MYRIP: variants seen among roughly 807,000 people sequenced by gnomAD.
MYRIP encodes rab effector MyRIP.
MYRIP carries 49 observed loss-of-function variants against 98.0 expected under a neutral mutation model. The ratio of observed to expected loss-of-function variants is 0.50; its 90% CI spans 0.40 to 0.63. The LOEUF is 0.63. Ranked by LOEUF, MYRIP falls within the 30% of genes least tolerant of loss-of-function variation. MYRIP has a pLI of 0.00. For synonymous variants in MYRIP, 404 were observed against 409.5 expected, an observed-to-expected ratio of 0.99 and a Z score of 0.16; for missense variants, 1,004 against 1,058.2, an observed-to-expected ratio of 0.95 and a Z score of 0.71.
intron 1 of MYRIP, among the ~76,000 whole-genome samples, chr3:39,835,433 A>G (rs1227234683): frequency 6.6e-6 from 1 of 152,162 alleles, no homozygotes; most frequent in Non-Finnish European, 1.5e-5. Flanking sequence ...TTTATCCCTC[A>G]ATCTTGGCAA....
intron 11 of MYRIP, among the ~76,000 whole-genome samples, chr3:40,211,637 T>A (rs1300584168): frequency 2.0e-5 from 3 of 152,212 alleles, no homozygotes; most frequent in Non-Finnish European, 4.4e-5. Context: ...ATTTGTACGC[T>A]GGAGCTTAGA....
intron 10 of MYRIP, 67 bp from the exon 11 acceptor site, chr3:40,209,787 T>G: frequency 1.3e-6 from 2 of 1,593,116 alleles, no homozygotes; most frequent in Non-Finnish European, 1.7e-6. Flanking sequence ...TCAGGGGTTA[T>G]TGGGAACAAG....
At position 40,037,807 on chromosome 3, in the gene MYRIP, C is replaced by G. The variant is rs955658555; in HGVS notation, c.111-6243C>G. On this transcript the variant is annotated intron_variant, in intron 2 of 16. Coordinates refer to ENST00000302541, the MANE Select transcript of MYRIP (RefSeq NM_015460.4). ...TAACCATTTACATCATTGCCTACCC[C>G]CCTTCCTGTTTTCTCTCTGGCTCAC... Among the ~76,000 whole-genome samples the G allele has an allele frequency of 7.2e-5, 11 of 152,164 alleles. No individual in the cohort carries two copies. The East Asian group carries it at 1.5e-3, about 21-fold the overall frequency.
rs576933654 is a variant in MYRIP, at chr3:39,860,264, A to G, written c.-30-40523A>G. Among the ~76,000 whole-genome samples the G allele has an allele frequency of 1.2e-3, 180 of 152,344 alleles. 2 individuals are homozygous for G. In the South Asian group the frequency reaches 0.036, roughly 30 times the overall value. ...TGCCACAGACCTCTGGAATCCTGGCAGCAGAAGACCCCAAAACCCCCATGA... is the reference window on the plus strand; with the variant it reads ...TGCCACAGACCTCTGGAATCCTGGCGGCAGAAGACCCCAAAACCCCCATGA... On this transcript the variant is annotated intron_variant, in intron 1 of 16. Transcript: ENST00000302541.
At chr3:40,182,428 G>A in intron 9 of MYRIP, 55 bp downstream of exon 9, 1 of 1,564,256 alleles carries the variant, frequency 6.4e-7, no homozygotes, top group Non-Finnish European at 8.7e-7. Flanking sequence ...GTGTGGTTTG[G>A]AGACATCTTG....
chr3:39,961,502 T>C (rs907707910), intron 2 of MYRIP, among the ~76,000 whole-genome samples: 3 of 152,046 alleles, frequency 2.0e-5, no homozygotes, highest in African/African-American at 7.2e-5. Context: ...CGAGTCCCAT[T>C]TTCCTTTCAT....
intron 2 of MYRIP, among the ~76,000 whole-genome samples, chr3:39,914,806 A>C (rs1005258904): frequency 2.3e-4 from 35 of 152,068 alleles, no homozygotes; most frequent in Non-Finnish European, 3.7e-4. Flanking sequence ...AGTTGAGAAA[A>C]ATGGTATTTC....
chr3:40,060,148 T>TA (rs912973864), intron 3 of MYRIP, among the ~76,000 whole-genome samples: 30 of 150,046 alleles, frequency 2.0e-4, no homozygotes, highest in South Asian at 8.4e-4. Flanking sequence ...TGAGTCTTTT[T>TA]AAAAAAAAAA....
At chr3:40,144,484 G>A (rs1575573405) in intron 3 of MYRIP, among the ~76,000 whole-genome samples, 1 of 152,114 alleles carries the variant, frequency 6.6e-6, no homozygotes, top group South Asian at 2.1e-4. Flanking sequence ...AAGAATGAGG[G>A]GCACAGTAAC....
intron 2 of MYRIP, among the ~76,000 whole-genome samples, chr3:39,932,999 T>C (rs985250256): frequency 3.3e-5 from 5 of 152,212 alleles, no homozygotes; most frequent in Non-Finnish European, 7.3e-5. Context: ...ACAGAATACA[T>C]AGCATTTCTA....
At chr3:40,100,316 T>C (rs1948920830) in intron 3 of MYRIP, 7 of 930,370 alleles carry the variant, frequency 7.5e-6, no homozygotes, top group Non-Finnish European at 7.7e-6. Flanking sequence ...ATTGATTATG[T>C]ACTATAATCC....
intron 2 of MYRIP, among the ~76,000 whole-genome samples, chr3:40,031,974 G>A (rs931518844): frequency 5.3e-5 from 8 of 151,904 alleles, no homozygotes; most frequent in African/African-American, 1.7e-4. Flanking sequence ...AGGGTTTTTT[G>A]TGTCTCTATT....
At chr3:40,076,317 A>G (rs1948342382) in intron 3 of MYRIP, among the ~76,000 whole-genome samples, 1 of 152,224 alleles carries the variant, frequency 6.6e-6, no homozygotes, top group South Asian at 2.1e-4. Context: ...GCCAGTATGT[A>G]TATGTTCCAT....
intron 1 of MYRIP, among the ~76,000 whole-genome samples, chr3:39,813,328 G>A (rs1940765341): frequency 6.6e-6 from 1 of 152,174 alleles, no homozygotes; most frequent in Admixed American, 6.5e-5. Flanking sequence ...GACCCAGCTG[G>A]TGCCCTTCTC....
At chr3:39,936,887 G>A (rs1944666346) in intron 2 of MYRIP, among the ~76,000 whole-genome samples, 1 of 151,950 alleles carries the variant, frequency 6.6e-6, no homozygotes, top group African/African-American at 2.4e-5. Flanking sequence ...CTGTCTTTGT[G>A]GTCTGGCTTA....
chr3:40,096,335 G>A (rs1300038007), intron 3 of MYRIP, among the ~76,000 whole-genome samples: 1 of 152,074 alleles, frequency 6.6e-6, no homozygotes, highest in East Asian at 1.9e-4. Flanking sequence ...GACCTGTAGG[G>A]CAGTATTTTC....
intron 1 of MYRIP, among the ~76,000 whole-genome samples, chr3:39,846,527 C>T (rs1471570711): frequency 6.6e-6 from 1 of 152,168 alleles, no homozygotes; most frequent in Non-Finnish European, 1.5e-5. Context: ...CCAACTACCA[C>T]TGGGCCTGCA....
At chr3:40,232,003 G>C (rs62261852) in intron 11 of MYRIP, among the ~76,000 whole-genome samples, 1 of 152,150 alleles carries the variant, frequency 6.6e-6, no homozygotes, top group Non-Finnish European at 1.5e-5. Flanking sequence ...GCCACATCAA[G>C]CTACAAGGTC....
At chr3:40,217,888 T>C (rs1952171887) in intron 11 of MYRIP, among the ~76,000 whole-genome samples, 1 of 152,138 alleles carries the variant, frequency 6.6e-6, no homozygotes, top group Admixed American at 6.6e-5. Context: ...CAATATTAGA[T>C]AGCAGAAAAC....
Sources: allele counts gnomAD v4.1 joint callset (sites outside exome capture counted in the v4.1 genomes callset), GRCh38; gene constraint gnomAD v4.1.1; transcripts MANE v1.5; gene names NCBI Gene and HGNC (gene_info 2026-07-23, HGNC 2026-07-21).